ZCCHC24: variants seen among roughly 807,000 people sequenced by gnomAD.
ZCCHC24 encodes the protein zinc finger CCHC domain-containing protein 24.
ZCCHC24 carries 10 observed loss-of-function variants against 26.2 expected under a neutral mutation model. The ratio of observed to expected loss-of-function variants is 0.38; its 90% CI spans 0.24 to 0.65. The LOEUF is 0.65. Ranked by LOEUF, ZCCHC24 falls within the 30% of genes least tolerant of loss-of-function variation. The pLI is 0.54. For missense variants in ZCCHC24, 243 were observed against 329.1 expected (o/e 0.74, Z 2.03); for synonymous variants, 144 against 147.1 (o/e 0.98, Z 0.15).
At chr10:79,414,584 C>A (rs891193619) in intron 2 of ZCCHC24, among the ~76,000 whole-genome samples, 1 of 152,182 alleles carries the variant, frequency 6.6e-6, no homozygotes, top group African/African-American at 2.4e-5. Context: ...ATTTGGGAGT[C>A]TCCCGGAACC....
At chr10:79,408,691 T>A (rs138501324) in intron 2 of ZCCHC24, among the ~76,000 whole-genome samples, 1 of 152,276 alleles carries the variant, frequency 6.6e-6, no homozygotes, top group Non-Finnish European at 1.5e-5. Context: ...GGGGATCCCC[T>A]CTTCACAGTG....
chr10:79,418,441 G>T (rs1417056498), intron 2 of ZCCHC24, among the ~76,000 whole-genome samples: 1 of 152,174 alleles, frequency 6.6e-6, no homozygotes, highest in African/African-American at 2.4e-5. Context: ...ACCTCGCCTG[G>T]GAAGTGACCT....
rs1259170209 is a variant in ZCCHC24 at position 79,414,021 on chromosome 10, G to GA, written c.447+18536dup. ...AGCCAGTGTTGGAGGAAGAGCCAAA[G>GA]AAGTGAGAGCTCCGTGGGGTCTCTG... On this transcript the variant is annotated intron_variant, in intron 2 of 3. Transcript: ENST00000372336. Among the ~76,000 whole-genome samples the GA allele has an allele frequency of 2.0e-5, 3 of 152,342 alleles. No homozygotes were observed. The South Asian group carries it at 6.2e-4, about 32-fold the overall frequency.
intron 2 of ZCCHC24, among the ~76,000 whole-genome samples, chr10:79,426,742 A>C (rs1008643853): frequency 6.6e-6 from 1 of 152,250 alleles, no homozygotes; most frequent in African/African-American, 2.4e-5. Flanking sequence ...TGCAAAAGAA[A>C]GCAATTTATT....
intron 2 of ZCCHC24, among the ~76,000 whole-genome samples, chr10:79,419,643 C>A (rs1856912606): frequency 6.6e-6 from 1 of 152,274 alleles, no homozygotes; most frequent in Middle Eastern, 3.4e-3. Context: ...AGTGAGTGAG[C>A]CTTTCTGGCA....
intron 2 of ZCCHC24, among the ~76,000 whole-genome samples, chr10:79,413,790 G>GAC (rs1856826207): frequency 6.6e-6 from 1 of 152,144 alleles, no homozygotes; most frequent in African/African-American, 2.4e-5. Flanking sequence ...GAGAGAGAGA[G>GAC]AGAGAGAGAG....
intron 1 of ZCCHC24, among the ~76,000 whole-genome samples, chr10:79,439,066 G>C (rs1158172704): frequency 6.6e-6 from 1 of 152,234 alleles, no homozygotes; most frequent in East Asian, 1.9e-4. Context: ...CTCCATTGCA[G>C]GGATCCTTGA....
chr10:79,427,292 A>G (rs1857043541), intron 2 of ZCCHC24, among the ~76,000 whole-genome samples: 1 of 152,212 alleles, frequency 6.6e-6, no homozygotes, highest in African/African-American at 2.4e-5. Flanking sequence ...ACTGGGCAGA[A>G]TATCAACAAA....
Position 79,386,180 on chromosome 10 carries a change from T to C in ZCCHC24, c.*165A>G, listed in dbSNP as rs1414700161. On this transcript the variant is annotated 3_prime_UTR_variant, in exon 4 of 4. Coordinates refer to ENST00000372336, the MANE Select transcript of ZCCHC24 (RefSeq NM_153367.4). The stretch of plus-strand genomic sequence containing the variant: ...GGGCAGCAATGTCAGTAACACTGTT[T>C]GTCAACACACACAAGACAAGGACGC... 1.6e-6 allele frequency: 1 copy of C among 639,550 alleles called. No individual in the cohort carries two copies. Among genetic ancestry groups the C allele is most frequent in the East Asian group, 2.8e-5 (1 of 36,332 alleles). 39.6% of individuals were successfully genotyped at this position (639,550 alleles called of 1,614,324 possible).
chr10:79,442,353 C>G lies in ZCCHC24; in HGVS notation c.246+2842G>C, dbSNP rs145180083. 2.9e-3 allele frequency among the ~76,000 whole-genome samples: 437 copies of G among 152,340 alleles called. 3 individuals carry two copies. Among genetic ancestry groups the G allele is most frequent in the African/African-American group, 9.3e-3 (385 of 41,586 alleles). On this transcript the variant is annotated intron_variant, in intron 1 of 3. Transcript: ENST00000372336. ...CTCTGGTGTGAACTCTGCCATCTCT[C>G]TCTCTGCTCTCAGGGCCAGTGTGCC...
At chr10:79,412,299 G>C (rs916657367) in intron 2 of ZCCHC24, among the ~76,000 whole-genome samples, 2 of 152,262 alleles carry the variant, frequency 1.3e-5, no homozygotes. Context: ...GGAGCTTCCT[G>C]CTAAGCTCTT....
At chr10:79,437,767 CAG>C (rs889333270) in intron 1 of ZCCHC24, among the ~76,000 whole-genome samples, 1 of 152,202 alleles carries the variant, frequency 6.6e-6, no homozygotes, top group African/African-American at 2.4e-5. Context: ...GGTGCAGAGA[CAG>C]AGATTTCCAA....
chr10:79,392,691 T>C (rs993414373), intron 3 of ZCCHC24, among the ~76,000 whole-genome samples: 1 of 152,100 alleles, frequency 6.6e-6, no homozygotes, highest in African/African-American at 2.4e-5. Context: ...AATGAGGCAA[T>C]TCCCTCTGCA....
intron 2 of ZCCHC24, among the ~76,000 whole-genome samples, chr10:79,396,524 G>A (rs1031273291): frequency 2.6e-5 from 4 of 152,140 alleles, no homozygotes; most frequent in Admixed American, 2.6e-4. Flanking sequence ...TTCTCTACTA[G>A]GCCCTCGCAG....
chr10:79,427,829 T>G (rs1857054615), intron 2 of ZCCHC24, among the ~76,000 whole-genome samples: 1 of 151,984 alleles, frequency 6.6e-6, no homozygotes, highest in South Asian at 2.1e-4. Context: ...CAATGAGTTA[T>G]GATCACAGCA....
At chr10:79,423,992 T>C (rs1465791295) in intron 2 of ZCCHC24, among the ~76,000 whole-genome samples, 1 of 143,166 alleles carries the variant, frequency 7.0e-6, no homozygotes, top group Non-Finnish European at 1.5e-5. Flanking sequence ...CACTCCAGCC[T>C]GGGCAACAGA....
intron 1 of ZCCHC24, among the ~76,000 whole-genome samples, chr10:79,442,145 CGTT>C (rs908493267): frequency 5.9e-5 from 9 of 152,202 alleles, no homozygotes; most frequent in African/African-American, 2.2e-4. Context: ...AAAAATGTAT[CGTT>C]GTTGCCGTAG....
chr10:79,395,259 C>T (rs1249278342), intron 2 of ZCCHC24, among the ~76,000 whole-genome samples: 1 of 151,998 alleles, frequency 6.6e-6, no homozygotes, highest in Non-Finnish European at 1.5e-5. Context: ...CCCTACATAA[C>T]TACAAATAGA....
chr10:79,427,442 T>C lies in ZCCHC24; in HGVS notation c.447+5116A>G, dbSNP rs142083924. ...CAGAATAACTCATAATGTTAGGTTC[T>C]GAAACAAACCACAATAAATTTAGAA... On this transcript the variant is annotated intron_variant, in intron 2 of 3. Coordinates refer to ENST00000372336, the MANE Select transcript of ZCCHC24 (RefSeq NM_153367.4). 3.9e-5 allele frequency among the ~76,000 whole-genome samples: 6 copies of C among 152,318 alleles called. No individual in the cohort carries two copies. The East Asian group carries it at 1.2e-3, about 29-fold the overall frequency.
Sources: allele counts gnomAD v4.1 joint callset (sites outside exome capture counted in the v4.1 genomes callset), GRCh38; gene constraint gnomAD v4.1.1; transcripts MANE v1.5; gene names NCBI Gene and HGNC (gene_info 2026-07-23, HGNC 2026-07-21).